Variants in PRR35 observed in about 807,000 individuals in gnomAD.
PRR35 encodes proline-rich protein 35.
Under a neutral mutation model 18.6 loss-of-function variants are expected in PRR35, and 14 were observed. The ratio of observed to expected loss-of-function variants is 0.75; its 90% confidence interval spans 0.50 to 1.18. The LOEUF is 1.18. PRR35 is among the 50% of genes most tolerant of loss of function. The pLI, the probability that PRR35 is intolerant of heterozygous loss-of-function variation, is 0.00. For synonymous variants in PRR35, 425 were observed against 378.2 expected (o/e 1.12, Z -1.43); for missense variants, 832 against 792.2 (o/e 1.05, Z -0.60).
intron 1 of PRR35, 49 bp downstream of exon 1, chr16:560,710 C>T (rs900612719): frequency 4.1e-6 from 4 of 974,150 alleles, no homozygotes; most frequent in South Asian, 4.6e-5. Context: ...GTCGCGGGGC[C>T]GGCTGGACGC....
At chr16:564,614 G>A in intron 2 of PRR35, 60 bp from the exon 3 acceptor site, 1 of 1,457,602 alleles carries the variant, frequency 6.9e-7, no homozygotes, top group Non-Finnish European at 9.0e-7. Flanking sequence ...AGGGGAGAGG[G>A]GCAGGGGCCG....
Position 564,446 on chromosome 16 carries a change from G to A in PRR35, c.1082+70G>A, listed in dbSNP as rs535271427. The A allele has an allele frequency of 4.4e-5, 68 of 1,540,592 alleles. No individual in the cohort carries two copies. In the East Asian group the frequency reaches 4.4e-4, roughly 10 times the overall value. ...GGGCGGCTGGGCATGGCGGTTGGGC[G>A]GCTGGGCATGGCGGCTGGGGTCCGT... On this transcript the variant is annotated intron_variant, in intron 2 of 2. Transcript: ENST00000409413.
In PRR35 at chr16:561,800, G is replaced by A. The variant is rs143037969; in HGVS notation, c.-40+1139G>A. On this transcript the variant is annotated intron_variant, in intron 1 of 2. Transcript: ENST00000409413. ...ACGGGTGCGACCCCCAGCCAGGTCT[G>A]CGTGTGTCCTGGGGAGTCGGTGTGT... is the stretch of plus-strand genomic sequence containing the variant. The A allele has an allele frequency of 2.8e-3, 2,753 of 985,320 alleles. 67 individuals are homozygous for A. The African/African-American group carries it at 0.045, about 16-fold the overall frequency. The allele number at this position is 985,320 out of a possible 1,614,324, so 61.0% of individuals were successfully genotyped here.
chr16:560,819 AG>A (rs1470955484), intron 1 of PRR35, 158 bp downstream of exon 1: 1 of 229,574 alleles, frequency 4.4e-6, no homozygotes, highest in Non-Finnish European at 5.4e-6. Context: ...GCGCGGGGGG[AG>A]GGAGGGCCGC....
At chr16:562,411 GACAC>G (rs1475308478) in intron 1 of PRR35, among the ~76,000 whole-genome samples, 1 of 152,210 alleles carries the variant, frequency 6.6e-6, no homozygotes, top group Non-Finnish European at 1.5e-5. Context: ...GCCGCCTTTA[GACAC>G]ACACGCATAC....
rs988410293 is a variant in PRR35, at chr16:561,656, C to A, written c.-40+995C>A. 2.8e-5 allele frequency: 25 copies of A among 879,268 alleles called. No homozygotes were observed. In the South Asian group the frequency reaches 1.3e-3, roughly 46 times the overall value. The allele number at this position is 879,268 out of a possible 1,614,324, so 54.5% of individuals were successfully genotyped here. A position where few individuals can be genotyped will look rare whatever the true frequency, so the allele number is the denominator to read the frequency against. On this transcript the variant is annotated intron_variant, in intron 1 of 2. Transcript: ENST00000409413. Reference sequence around the variant, plus strand: ...CCCTGCAGGGCCCCAAGCCTTTGGACGAGTGGACTTCTCCAGCCCTGTTGG... The same window carrying A: ...CCCTGCAGGGCCCCAAGCCTTTGGAAGAGTGGACTTCTCCAGCCCTGTTGG...
Position 562,259 on chromosome 16 carries a change from A to G in PRR35, c.-39-997A>G, listed in dbSNP as rs981823450. Reference sequence around the variant, plus strand: ...CGCTGACCTGCCCGAAGCCACCCAGATGGAGCTGGGCTGAGCAGGTGGCTG... The same window carrying G: ...CGCTGACCTGCCCGAAGCCACCCAGGTGGAGCTGGGCTGAGCAGGTGGCTG... On this transcript the variant is annotated intron_variant, in intron 1 of 2. Transcript: ENST00000409413. 3.9e-5 allele frequency among the ~76,000 whole-genome samples: 6 copies of G among 152,176 alleles called. 1 individual carries two copies. The highest frequency in any genetic ancestry group is 4.1e-4 in the South Asian group (2 of 4,832).
At chr16:560,371 C>T, upstream of PRR35, 2 of 982,576 alleles carry the variant, frequency 2.0e-6, no homozygotes, top group South Asian at 4.7e-5. Flanking sequence ...AGCCCAGGCG[C>T]ACGCGCGCCC....
intron 1 of PRR35, among the ~76,000 whole-genome samples, chr16:561,521 T>C (rs940957060): frequency 1.3e-5 from 2 of 152,096 alleles, no homozygotes; most frequent in Admixed American, 6.5e-5. Context: ...CTGCAGCCCC[T>C]CGGGGAGCCC....
chr16:565,157 C>T lies in PRR35; in HGVS notation c.1566C>T (p.Asp522=). 1.2e-6 allele frequency: 2 copies of T among 1,610,326 alleles called. No homozygotes were observed. The highest frequency in any genetic ancestry group is 1.7e-6 in the Non-Finnish European group (2 of 1,178,798). The part of the protein sequence containing the change: ...FSGHTTKCEA[D]SSVPPPGLPL... Reference sequence around the variant, plus strand: ...GCCACACCACCAAGTGTGAGGCCGACTCCAGCGTCCCACCCCCAGGGCTCC... The same window carrying T: ...GCCACACCACCAAGTGTGAGGCCGATTCCAGCGTCCCACCCCCAGGGCTCC... The change falls in exon 3 of 3, where the codon GAC becomes GAT. Residue 522 remains aspartate (D), a synonymous_variant. Transcript: ENST00000409413.
Position 563,883 on chromosome 16 carries a change from G to A in PRR35, c.589G>A (p.Glu197Lys). 1 of 1,577,512 alleles carries A rather than the reference G, an allele frequency of 6.3e-7. No homozygotes were observed. The change falls in exon 2 of 3, where the codon GAG (glutamate) becomes AAG (lysine). Residue 197 changes from glutamate to lysine, a missense_variant. Coordinates refer to ENST00000409413, the MANE Select transcript of PRR35 (RefSeq NM_145270.3). ...VPCYPPPAPG[E>K]FPEAHSLHLS... ...CTGCTATCCCCCGCCTGCCCCAGGG[G>A]AGTTCCCTGAGGCCCACAGCCTCCA...
At chr16:561,960 G>C (rs567164093) in intron 1 of PRR35, among the ~76,000 whole-genome samples, 1 of 152,334 alleles carries the variant, frequency 6.6e-6, no homozygotes, top group African/African-American at 2.4e-5. Context: ...TGTGCAGCCA[G>C]GGCCCCGCAC....
intron 2 of PRR35, 128 bp from the exon 3 acceptor site, chr16:564,546 C>A: frequency 7.2e-7 from 1 of 1,396,478 alleles, no homozygotes; most frequent in Admixed American, 2.5e-5. Context: ...GCGCGGGGGT[C>A]CTCGGGGTCT....
At chr16:562,543 A>G in intron 1 of PRR35, among the ~76,000 whole-genome samples, 1 of 150,696 alleles carries the variant, frequency 6.6e-6, no homozygotes, top group South Asian at 2.1e-4. Flanking sequence ...GTGCACACAC[A>G]CGCACATGCA....
At position 564,163 on chromosome 16, in the gene PRR35, C is replaced by T; in HGVS notation, c.869C>T (p.Pro290Leu). ...KAALAKAPVS[P>L]RSPSGTPAPG... is the part of the protein sequence containing the mutation. ...GCCCTTGCCAAGGCCCCTGTCTCCC[C>T]CAGGAGCCCCTCTGGGACTCCGGCT... The change falls in exon 2 of 3, where the codon CCC (proline) becomes CTC (leucine). Residue 290 changes from proline to leucine, a missense_variant. Physicochemically the swap from Pro to Leu is moderately conservative, Grantham distance 98. Transcript: ENST00000409413. The T allele has an allele frequency of 1.3e-6, 2 of 1,566,188 alleles. No homozygotes were observed. Among genetic ancestry groups the T allele is most frequent in the Non-Finnish European group, 1.7e-6 (2 of 1,162,988 alleles).
rs747711705 is a variant in PRR35, at chr16:565,064, C to G, written c.1473C>G (p.Pro491=). 8 of 1,593,458 alleles carry G rather than the reference C, an allele frequency of 5.0e-6. No individual in the cohort carries two copies. Among genetic ancestry groups the G allele is most frequent in the Non-Finnish European group, 6.8e-6 (8 of 1,170,130 alleles). ...CGTGGGGGCGGCCCGAGCTGGGTCC[C>G]GTGTTGACCGGGGGCACCCCCGAGC... The part of the protein sequence containing the change: ...GEAWGRPELG[P]VLTGGTPEPP... The change falls in exon 3 of 3, where the codon CCC becomes CCG. Residue 491 remains proline, a synonymous_variant. Transcript: ENST00000409413.
chr16:564,395 C>T lies in PRR35; in HGVS notation c.1082+19C>T, dbSNP rs775489161. 1.1e-4 allele frequency: 172 copies of T among 1,589,386 alleles called. No individual in the cohort carries two copies. The highest frequency in any genetic ancestry group is 1.1e-3 in the Middle Eastern group (6 of 5,562). On this transcript the variant is annotated intron_variant, in intron 2 of 2. Transcript: ENST00000409413. ...GGAGCAGGTGGGCGTCTTGGGCTCC[C>T]GGTTCCTGGGGTGGACGGAGGGGCT...
chr16:560,465 G>C lies in PRR35; in HGVS notation c.-236G>C, dbSNP rs1430823508. ...GAGGCTGCGGGAGTCGCTGCCGCTCGAGGGACCGCGGACCCGGGAGGTCCG... is the reference window on the plus strand; with the variant it reads ...GAGGCTGCGGGAGTCGCTGCCGCTCCAGGGACCGCGGACCCGGGAGGTCCG... On this transcript the variant is annotated 5_prime_UTR_variant, in exon 1 of 3. Coordinates refer to ENST00000409413, the MANE Select transcript of PRR35 (RefSeq NM_145270.3). 1 of 982,840 alleles carries C rather than the reference G, an allele frequency of 1.0e-6. No homozygotes were observed. Among genetic ancestry groups the C allele is most frequent in the South Asian group, 4.7e-5 (1 of 21,286 alleles). 60.9% of individuals were successfully genotyped at this position (982,840 alleles called of 1,614,324 possible). A position where few individuals can be genotyped will look rare whatever the true frequency, so the allele number is the denominator to read the frequency against.
Position 565,153 on chromosome 16 carries a change from C to A in PRR35, c.1562C>A (p.Ala521Asp). 6.2e-7 allele frequency: 1 copy of A among 1,610,012 alleles called. No homozygotes were observed. Among genetic ancestry groups the A allele is most frequent in the Non-Finnish European group, 8.5e-7 (1 of 1,178,658 alleles). The change falls in exon 3 of 3, where the codon GCC becomes GAC. Residue 521 changes from alanine to aspartate, a missense_variant. Physicochemically the swap from Ala to Asp is moderately radical, Grantham distance 126 (BLOSUM62 -2). Transcript: ENST00000409413. ...TCTGGCCACACCACCAAGTGTGAGG[C>A]CGACTCCAGCGTCCCACCCCCAGGG... ...PFSGHTTKCE[A>D]DSSVPPPGLP...
Sources: gnomAD v4.1 joint callset for allele counts (sites outside exome capture counted in the v4.1 genomes callset) on GRCh38, gnomAD v4.1.1 for gene constraint, MANE v1.5 for transcripts, NCBI Gene and HGNC (gene_info 2026-07-23, HGNC 2026-07-21) for gene names.